Variants in KCNAB1 observed in about 807,000 individuals in gnomAD.
The protein encoded by KCNAB1 is potassium voltage-gated channel subfamily A regulatory beta subunit 1.
A neutral mutation model predicts 64.6 loss-of-function variants in KCNAB1; 35 were observed. The ratio of observed to expected loss-of-function variants is 0.54; its 90% CI spans 0.41 to 0.72. The LOEUF (loss-of-function observed/expected upper bound fraction) is 0.72, where lower values mean the gene tolerates loss of function less well. Among genes scored for constraint, KCNAB1 ranks in the 30% least tolerant of loss-of-function variants. The pLI is 0.00. For missense variants in KCNAB1, 401 were observed against 512.9 expected (o/e 0.78, Z 2.11); for synonymous variants, 177 against 183.8 (o/e 0.96, Z 0.30).
At chr3:156,150,050 T>C (rs1301182691) in intron 1 of KCNAB1, among the ~76,000 whole-genome samples, 9 of 152,220 alleles carry the variant, frequency 5.9e-5, no homozygotes, top group African/African-American at 2.2e-4. Context: ...GGTAAGTCTC[T>C]GGGCCTGTGC....
intron 2 of KCNAB1, among the ~76,000 whole-genome samples, chr3:156,442,807 C>T (rs532631814): frequency 7.2e-5 from 11 of 152,294 alleles, no homozygotes; most frequent in Non-Finnish European, 1.3e-4. Flanking sequence ...GCCCAGCTCT[C>T]TGCCCTGATC....
At chr3:156,344,323 G>A (rs886421886) in intron 1 of KCNAB1, among the ~76,000 whole-genome samples, 6 of 152,108 alleles carry the variant, frequency 3.9e-5, no homozygotes, top group South Asian at 2.1e-4. Flanking sequence ...ACTTCTCAGC[G>A]CTGATTTTTT....
At chr3:156,188,201 C>T (rs545416257) in intron 1 of KCNAB1, among the ~76,000 whole-genome samples, 85 of 151,212 alleles carry the variant, frequency 5.6e-4, no homozygotes, top group Middle Eastern at 3.4e-3. Context: ...TATGGCTTAT[C>T]TCCCTGTGGG....
chr3:156,317,738 G>A (rs1722374649), intron 1 of KCNAB1, among the ~76,000 whole-genome samples: 1 of 152,132 alleles, frequency 6.6e-6, no homozygotes, highest in African/African-American at 2.4e-5. Context: ...ATTTTTTAAT[G>A]TATCCCAGCC....
intron 8 of KCNAB1, among the ~76,000 whole-genome samples, chr3:156,490,173 A>G (rs553075042): frequency 1.3e-5 from 2 of 152,222 alleles, no homozygotes; most frequent in East Asian, 3.9e-4. Context: ...ACCAGCAGCC[A>G]GGTCACACCC....
intron 8 of KCNAB1, among the ~76,000 whole-genome samples, chr3:156,498,548 G>C (rs1716161464): frequency 6.6e-6 from 1 of 152,142 alleles, no homozygotes. Context: ...TTCCTCCCCA[G>C]CCATATGGAA....
chr3:156,485,973 C>T (rs1019590633), intron 8 of KCNAB1, among the ~76,000 whole-genome samples: 54 of 152,024 alleles, frequency 3.6e-4, no homozygotes, highest in East Asian at 1.9e-4. Flanking sequence ...CACTGTTTTC[C>T]GAGGGCCCAG....
chr3:156,535,408 G>C (rs1308420343), intron 13 of KCNAB1, among the ~76,000 whole-genome samples: 1 of 152,074 alleles, frequency 6.6e-6, no homozygotes, highest in Non-Finnish European at 1.5e-5. Flanking sequence ...GTGTACCCTT[G>C]GCCCACTTCT....
At chr3:156,448,005 C>T (rs1711710551) in intron 2 of KCNAB1, among the ~76,000 whole-genome samples, 1 of 152,090 alleles carries the variant, frequency 6.6e-6, no homozygotes, top group Non-Finnish European at 1.5e-5. Flanking sequence ...ATGAGGTAAC[C>T]AAGATAGATG....
At chr3:156,482,599 G>A (rs1714907722) in intron 8 of KCNAB1, among the ~76,000 whole-genome samples, 1 of 152,016 alleles carries the variant, frequency 6.6e-6, no homozygotes, top group Non-Finnish European at 1.5e-5. Flanking sequence ...AAATAGCAAA[G>A]GTATGGCATT....
Position 156,531,448 on chromosome 3 carries a change from T to G in KCNAB1, c.1121T>G (p.Leu374Arg), listed in dbSNP as rs1444205912. ...AATGAAGGTGTGAGTTCTGTGCTCC[T>G]GGGATCATCCACTCCTGAACAACTC... The part of the protein sequence containing the change: ...LRNEGVSSVL[L>R]GSSTPEQLIE... Residue 374 changes from leucine to arginine, a missense_variant, in exon 13 of 14, where the codon CTG becomes CGG. Leu to Arg is a moderately radical substitution (Grantham distance 102). Transcript: ENST00000490337. 2 of 1,614,144 alleles carry G rather than the reference T, an allele frequency of 1.2e-6. No homozygotes were observed. The highest frequency in any genetic ancestry group is 8.5e-7 in the Non-Finnish European group (1 of 1,179,962).
chr3:156,428,006 A>G (rs772989203), intron 2 of KCNAB1, among the ~76,000 whole-genome samples: 4 of 152,326 alleles, frequency 2.6e-5, no homozygotes, highest in Non-Finnish European at 4.4e-5. Flanking sequence ...TCACTCTGGA[A>G]TGGGCATGCT....
intron 3 of KCNAB1, 150 bp from the exon 4 acceptor site, chr3:156,457,303 C>G: frequency 7.0e-7 from 1 of 1,431,776 alleles, no homozygotes; most frequent in East Asian, 2.5e-5. Context: ...CTGGCTGAGA[C>G]TTCTTTCTTT....
intron 1 of KCNAB1, among the ~76,000 whole-genome samples, chr3:156,412,166 T>G (rs1398625431): frequency 6.6e-6 from 1 of 152,188 alleles, no homozygotes; most frequent in East Asian, 1.9e-4. Context: ...TCTTTTAAAT[T>G]TTGAATACCA....
intron 1 of KCNAB1, among the ~76,000 whole-genome samples, chr3:156,300,267 G>T (rs778901883): frequency 3.3e-5 from 5 of 152,176 alleles, no homozygotes; most frequent in Admixed American, 1.3e-4. Flanking sequence ...CTTTAAAGCT[G>T]CATCGGAAAC....
intron 1 of KCNAB1, among the ~76,000 whole-genome samples, chr3:156,183,313 C>A (rs959004457): frequency 1.3e-5 from 2 of 152,086 alleles, no homozygotes; most frequent in African/African-American, 4.8e-5. Flanking sequence ...TCTCAAGGAA[C>A]AGGGTTCCGA....
At chr3:156,381,226 C>T (rs1712134422) in intron 1 of KCNAB1, among the ~76,000 whole-genome samples, 1 of 152,098 alleles carries the variant, frequency 6.6e-6, no homozygotes, top group Admixed American at 6.5e-5. Flanking sequence ...GGGAATTTTG[C>T]AGATAGGTGG....
At chr3:156,375,400 C>T (rs999663811) in intron 1 of KCNAB1, among the ~76,000 whole-genome samples, 1 of 134,798 alleles carries the variant, frequency 7.4e-6, no homozygotes, top group African/African-American at 3.3e-5. Context: ...ATTGATGCTC[C>T]GAGAAGTTTA....
chr3:156,330,024 T>A (rs913790458), intron 1 of KCNAB1, among the ~76,000 whole-genome samples: 1 of 152,170 alleles, frequency 6.6e-6, no homozygotes, highest in Non-Finnish European at 1.5e-5. Flanking sequence ...TCATGAAATT[T>A]CATTAATTTC....
Sources: allele counts gnomAD v4.1 joint callset (sites outside exome capture counted in the v4.1 genomes callset), GRCh38; gene constraint gnomAD v4.1.1; transcripts MANE v1.5; gene names NCBI Gene and HGNC (gene_info 2026-07-23, HGNC 2026-07-21).